Variants in PHC2 observed in about 807,000 individuals in gnomAD.
PHC2 encodes polyhomeotic-like protein 2.
In PHC2, 29 loss-of-function variants were observed where a neutral mutation model predicts 87.4. The observed-to-expected ratio is 0.33, with a 90% CI of 0.25 to 0.45. The LOEUF (loss-of-function observed/expected upper bound fraction) is 0.45, where lower values mean the gene tolerates loss of function less well. PHC2 is among the 20% of genes least tolerant of loss of function. The pLI is 1.00. For missense variants in PHC2, 857 were observed against 1,136.7 expected (o/e 0.75, Z 3.54); for synonymous variants, 438 against 461.7 (o/e 0.95, Z 0.66).
chr1:33,367,354 G>C lies in PHC2; in HGVS notation c.738C>G (p.Val246=). Residue 246 remains valine, a synonymous_variant, in exon 7 of 15, where the codon GTC becomes GTG. Coordinates refer to ENST00000683057, the MANE Select transcript of PHC2 (RefSeq NM_001385109.1). ...AASGPTPTQP[V]LPSLALKPTP... ...TGGGTTTCAGGGCCAAGCTGGGCAG[G>C]ACAGGCTGAGTGGGGGTGGGGCCCG... is the stretch of plus-strand genomic sequence containing the variant. The C allele has an allele frequency of 6.2e-7, 1 of 1,611,300 alleles. No individual in the cohort carries two copies. The highest frequency in any genetic ancestry group is 8.5e-7 in the Non-Finnish European group (1 of 1,177,936).
At position 33,324,774 on chromosome 1, in the gene PHC2, G is replaced by A. The variant is rs916874663; in HGVS notation, c.*91C>T. The A allele has an allele frequency of 3.5e-5, 49 of 1,409,502 alleles. No individual in the cohort carries two copies. Among genetic ancestry groups the A allele is most frequent in the African/African-American group, 4.3e-5 (3 of 70,042 alleles). 87.3% of individuals were successfully genotyped at this position (1,409,502 alleles called of 1,614,324 possible). ...TAGGGAGAGCCCCTGCCCTCCAACC[G>A]GCCCCATTTCTGGGCCCCTCAGGAA... On this transcript the variant is annotated 3_prime_UTR_variant, in exon 15 of 15. Transcript: ENST00000683057.
chr1:33,375,882 T>C (rs1648151476), intron 1 of PHC2, among the ~76,000 whole-genome samples: 1 of 152,254 alleles, frequency 6.6e-6, no homozygotes, highest in African/African-American at 2.4e-5. Context: ...GTCAGTTATA[T>C]GCAAATGTTA....
At position 33,383,146 on chromosome 1, in the gene PHC2, T is replaced by G. The variant is rs537485384; in HGVS notation, c.-54-7553A>C. Among the ~76,000 whole-genome samples, 4 of 152,312 alleles carry G rather than the reference T, an allele frequency of 2.6e-5. No individual in the cohort carries two copies. In the East Asian group the frequency reaches 7.7e-4, roughly 29 times the overall value. The stretch of plus-strand genomic sequence containing the variant: ...GTAATAACAGAAGATTCAGACTCCC[T>G]AGACTTAGGGGACCTGGGGGAGGCC... On this transcript the variant is annotated intron_variant, in intron 1 of 14. Coordinates refer to ENST00000683057, the MANE Select transcript of PHC2 (RefSeq NM_001385109.1).
chr1:33,368,541 C>T lies in PHC2; in HGVS notation c.658G>A (p.Ala220Thr), dbSNP rs958187507. ...TGSPARPPTPAQVQNLTLRTQ... is the reference protein window; with the variant it reads ...TGSPARPPTPTQVQNLTLRTQ... ...CACAAGCATGGAGTCCTCACCTGGGCGGGGGTGGGGGGCCGGGCGGGGGAG... is the reference window on the plus strand; with the variant it reads ...CACAAGCATGGAGTCCTCACCTGGGTGGGGGTGGGGGGCCGGGCGGGGGAG... Residue 220 changes from alanine to threonine, a missense_variant, in exon 6 of 15, where the codon GCC (alanine) becomes ACC (threonine). Ala to Thr is a moderately conservative substitution (Grantham distance 58). This residue lies in a region of PHC2 where 832 missense variants were observed against 1,081.8 expected (regional missense o/e 0.77). Coordinates refer to ENST00000683057, the MANE Select transcript of PHC2 (RefSeq NM_001385109.1). The surrounding 1 kb of genome is among the most constrained non-coding windows in gnomAD (Gnocchi z 6.6). 3.6e-5 allele frequency: 53 copies of T among 1,483,694 alleles called. No homozygotes were observed. Among genetic ancestry groups the T allele is most frequent in the Middle Eastern group, 2.0e-4 (1 of 4,912 alleles). 91.9% of individuals were successfully genotyped at this position (1,483,694 alleles called of 1,614,324 possible). A position where few individuals can be genotyped will look rare whatever the true frequency, so the allele number is the denominator to read the frequency against.
chr1:33,356,227 T>C (rs1647068216), intron 7 of PHC2, among the ~76,000 whole-genome samples: 1 of 134,230 alleles, frequency 7.4e-6, no homozygotes, highest in African/African-American at 2.6e-5. Flanking sequence ...TTAAGCAGGC[T>C]GACTCTTTGA....
At chr1:33,335,197 C>G in intron 9 of PHC2, 1 of 985,456 alleles carries the variant, frequency 1.0e-6, no homozygotes, top group African/African-American at 1.7e-5. Flanking sequence ...TGAACTTCCT[C>G]TCTTCCACTT....
intron 1 of PHC2, among the ~76,000 whole-genome samples, chr1:33,385,671 T>C (rs1319550642): frequency 6.6e-6 from 1 of 152,200 alleles, no homozygotes; most frequent in African/African-American, 2.4e-5. Flanking sequence ...AAGTTAGATT[T>C]TGAGACCGGC....
chr1:33,338,538 A>T (rs1300286570), intron 9 of PHC2, among the ~76,000 whole-genome samples: 1 of 152,234 alleles, frequency 6.6e-6, no homozygotes, highest in Non-Finnish European at 1.5e-5. Flanking sequence ...ATGACCGAAC[A>T]CAATCTCGCC....
intron 9 of PHC2, chr1:33,346,941 G>C: frequency 1.0e-6 from 1 of 985,272 alleles, no homozygotes; most frequent in Non-Finnish European, 1.2e-6. Flanking sequence ...TGTAGAGAGG[G>C]GACAGCCTAT....
intron 1 of PHC2, among the ~76,000 whole-genome samples, chr1:33,400,711 CTATACATA>C (rs777988239): frequency 5.3e-5 from 8 of 152,162 alleles, no homozygotes; most frequent in Non-Finnish European, 1.0e-4. Context: ...ACATCCACAT[CTATACATA>C]TGCACATAAC....
In PHC2 at chr1:33,331,422, C is replaced by T; in HGVS notation, c.1932G>A (p.Glu644=). ...AGGCAAAGTCCACCCGGCCACAGAG[C>T]TCACACTTGAGTTTGAGGGGAGCAC... ...EEGAPLKLKC[E]LCGRVDFAYK... The change falls in exon 12 of 15, where the codon GAG becomes GAA. Residue 644 remains glutamate (E), a synonymous_variant. Transcript: ENST00000683057. This position sits in a 1 kb window ranked among gnomAD's most constrained non-coding sequence, Gnocchi z 5.2. 2 of 1,612,690 alleles carry T rather than the reference C, an allele frequency of 1.2e-6. No homozygotes were observed. The highest frequency in any genetic ancestry group is 8.5e-7 in the Non-Finnish European group (1 of 1,178,970).
chr1:33,391,653 G>GAA (rs11315105), intron 1 of PHC2, among the ~76,000 whole-genome samples: 6 of 140,048 alleles, frequency 4.3e-5, no homozygotes, highest in Admixed American at 7.2e-5. Context: ...CCTTTGATAG[G>GAA]AAAAAAAAAA....
At chr1:33,371,417 A>C (rs1416098316) in intron 3 of PHC2, among the ~76,000 whole-genome samples, 1 of 151,974 alleles carries the variant, frequency 6.6e-6, no homozygotes, top group Non-Finnish European at 1.5e-5. Flanking sequence ...GGCCACCACC[A>C]TCACACCCAG....
At chr1:33,392,162 T>TACGTGCACACAC (rs1477046891) in intron 1 of PHC2, among the ~76,000 whole-genome samples, 1 of 122,022 alleles carries the variant, frequency 8.2e-6, no homozygotes, top group African/African-American at 4.1e-5. Flanking sequence ...TGTGCACACA[T>TACGTGCACACAC]ACGTGCACAC....
rs552477446 is a variant in PHC2, at chr1:33,423,676, C to G, written c.-55+7300G>C. On this transcript the variant is annotated intron_variant, in intron 1 of 14. Coordinates refer to ENST00000683057, the MANE Select transcript of PHC2 (RefSeq NM_001385109.1). ...TAAATATTTAATTAAGTTCACATTA[C>G]CCTATACTAAAAAAATTAATTTGGG... is the stretch of plus-strand genomic sequence containing the variant. Among the ~76,000 whole-genome samples, 17 of 152,266 alleles carry G rather than the reference C, an allele frequency of 1.1e-4. No homozygotes were observed. In the South Asian group the frequency reaches 3.5e-3, roughly 32 times the overall value.
rs1650038565 is a variant in PHC2, at chr1:33,412,870, C to CCAAA, written c.-55+18102_-55+18105dup. On this transcript the variant is annotated intron_variant, in intron 1 of 14. Transcript: ENST00000683057. ...GCACTAATGCCCAATTAGTCACAAGCCAAAGTAAAGGCTGGCAGCATTTTT... is the reference window on the plus strand; with the variant it reads ...GCACTAATGCCCAATTAGTCACAAGCCAAACAAAGTAAAGGCTGGCAGCATTTTT... 2.0e-5 allele frequency among the ~76,000 whole-genome samples: 3 copies of CCAAA among 152,260 alleles called. No individual in the cohort carries two copies. The South Asian group carries it at 6.2e-4, about 32-fold the overall frequency.
chr1:33,330,288 A>T, intron 12 of PHC2, 76 bp from the exon 13 acceptor site: 1 of 1,530,110 alleles, frequency 6.5e-7, no homozygotes, highest in Non-Finnish European at 9.0e-7. Context: ...AGCACAGCCA[A>T]GCTGTCTGAC....
intron 9 of PHC2, among the ~76,000 whole-genome samples, chr1:33,352,483 A>G (rs1269960394): frequency 6.6e-6 from 1 of 152,196 alleles, no homozygotes; most frequent in Non-Finnish European, 1.5e-5. Flanking sequence ...TGTGTAGTCT[A>G]GCAGAGAGGG....
chr1:33,354,807 G>A, intron 8 of PHC2, 31 bp downstream of exon 8: 1 of 1,598,270 alleles, frequency 6.3e-7, no homozygotes, highest in Non-Finnish European at 8.5e-7. Flanking sequence ...CACCCCGTGT[G>A]CTCCCTGGAC....
Sources: allele counts gnomAD v4.1 joint callset (sites outside exome capture counted in the v4.1 genomes callset), GRCh38; gene constraint gnomAD v4.1.1; regional missense constraint gnomAD v4.1.1; non-coding constraint Gnocchi (gnomAD v3.1); transcripts MANE v1.5; gene names NCBI Gene and HGNC (gene_info 2026-07-23, HGNC 2026-07-21).